The following ACACB variants were observed in gnomAD, a reference collection of about 807,000 sequenced individuals.
The protein encoded by ACACB is acetyl-CoA carboxylase 2.
ACACB carries 209 observed loss-of-function variants against 278.8 expected under a neutral mutation model. That is an observed-to-expected ratio of 0.75 (90% confidence interval 0.67 to 0.84). The LOEUF is 0.84. Among genes scored for constraint, ACACB ranks in the 40% least tolerant of loss-of-function variants. The pLI, the probability that ACACB is intolerant of heterozygous loss-of-function variation, is 0.00. For synonymous variants in ACACB, 1,174 were observed against 1,285.6 expected (o/e 0.91, Z 1.86); for missense variants, 2,850 against 3,269.0 (o/e 0.87, Z 3.13).
rs56119447 is a variant in ACACB, at chr12:109,180,158, G to C, written c.1818+71G>C. ...AGGGGTCCATGTGCTGCTCCCATTAGTCCATCCCGCCCATCTCTTGGCCGA... is the reference window on the plus strand; with the variant it reads ...AGGGGTCCATGTGCTGCTCCCATTACTCCATCCCGCCCATCTCTTGGCCGA... On this transcript the variant is annotated intron_variant, in intron 11 of 52. Coordinates refer to ENST00000338432, the MANE Select transcript of ACACB (RefSeq NM_001093.4). 2.1e-3 allele frequency: 3,157 copies of C among 1,508,590 alleles called. 68 individuals are homozygous for C. In the African/African-American group the frequency reaches 0.039, roughly 19 times the overall value. 93.5% of individuals were successfully genotyped at this position (1,508,590 alleles called of 1,614,324 possible).
intron 1 of ACACB, among the ~76,000 whole-genome samples, chr12:109,131,763 C>T (rs1387419223): frequency 2.0e-5 from 3 of 152,086 alleles, no homozygotes; most frequent in Non-Finnish European, 1.5e-5. Context: ...ATCTGGTTTT[C>T]GGGTCCGCTG....
intron 27 of ACACB, 100 bp downstream of exon 27, chr12:109,224,004 G>C (rs1304175139): frequency 1.0e-6 from 1 of 989,364 alleles, no homozygotes. Flanking sequence ...CTTGGTGAAT[G>C]TGATCCTATC....
chr12:109,137,156 C>T (rs2042984300), intron 1 of ACACB, among the ~76,000 whole-genome samples: 1 of 151,848 alleles, frequency 6.6e-6, no homozygotes, highest in Non-Finnish European at 1.5e-5. Context: ...TTGAGCCACC[C>T]TTGACTGACT....
chr12:109,209,081 T>G, intron 20 of ACACB, 84 bp from the exon 21 acceptor site: 516 of 1,434,762 alleles, frequency 3.6e-4, no homozygotes, highest in Non-Finnish European at 4.4e-4. Context: ...CAGGATGGGT[T>G]GAGCTGTGTT....
In ACACB at chr12:109,140,320, TTCCTTCCTTCCTTCCTTCCTTCCTTCC is replaced by T. The variant is rs1565857701; in HGVS notation, c.653+264_653+290del. 2.1e-3 allele frequency among the ~76,000 whole-genome samples: 302 copies of T among 143,338 alleles called. 8 individuals are homozygous for T. Among genetic ancestry groups the T allele is most frequent in the Admixed American group, 4.0e-3 (56 of 14,062 alleles). 94.0% of individuals were successfully genotyped at this position (143,338 alleles called of 152,430 possible). ...CTTCCTTCCTTCCTTCCTTCCTTCC[TTCCTTCCTTCCTTCCTTCCTTCCTTCC>T]TTCCCTCCTTTCAAAATCATTCCTT... On this transcript the variant is annotated intron_variant, in intron 2 of 52. Transcript: ENST00000338432.
At chr12:109,116,975 A>C (rs1314039348) in intron 1 of ACACB, among the ~76,000 whole-genome samples, 1 of 151,522 alleles carries the variant, frequency 6.6e-6, no homozygotes, top group Non-Finnish European at 1.5e-5. Context: ...TTTATAAACA[A>C]TTCTGTTTTT....
chr12:109,190,439 T>C (rs1241212551), intron 13 of ACACB, among the ~76,000 whole-genome samples: 1 of 152,076 alleles, frequency 6.6e-6, no homozygotes. Flanking sequence ...GTCTGTGTGT[T>C]GGGGAGAGGC....
chr12:109,119,735 A>C (rs1294010109), intron 1 of ACACB, among the ~76,000 whole-genome samples: 1 of 152,124 alleles, frequency 6.6e-6, no homozygotes, highest in East Asian at 1.9e-4. Flanking sequence ...TGTCTCTACT[A>C]AAAATACAAA....
At chr12:109,211,462 A>G (rs750845324) in intron 21 of ACACB, among the ~76,000 whole-genome samples, 6 of 149,624 alleles carry the variant, frequency 4.0e-5, no homozygotes, top group Non-Finnish European at 8.9e-5. Flanking sequence ...CATGTTGGCC[A>G]GGCTGGTCTT....
At chr12:109,151,231 C>T (rs1050451219) in intron 2 of ACACB, among the ~76,000 whole-genome samples, 1 of 152,110 alleles carries the variant, frequency 6.6e-6, no homozygotes, top group Non-Finnish European at 1.5e-5. Flanking sequence ...GATCTGCCCT[C>T]CTTGGCCTCC....
chr12:109,162,917 A>C (rs766288093), intron 2 of ACACB, among the ~76,000 whole-genome samples: 1 of 152,044 alleles, frequency 6.6e-6, no homozygotes, highest in Non-Finnish European at 1.5e-5. Flanking sequence ...ATTTGGGTTC[A>C]GTTTCTTTTT....
At chr12:109,175,849 G>C (rs2044265928) in intron 7 of ACACB, 82 bp from the exon 8 acceptor site, 2 of 1,202,850 alleles carry the variant, frequency 1.7e-6, no homozygotes, top group Non-Finnish European at 2.5e-6. Flanking sequence ...CACTATGTCA[G>C]CAGGGAGAGG....
intron 22 of ACACB, among the ~76,000 whole-genome samples, chr12:109,215,559 C>G (rs1350900127): frequency 6.6e-6 from 1 of 152,024 alleles, no homozygotes; most frequent in East Asian, 1.9e-4. Flanking sequence ...GTCAGGAGAT[C>G]GAGACCATCC....
intron 4 of ACACB, among the ~76,000 whole-genome samples, chr12:109,171,418 C>T (rs530522693): frequency 2.0e-5 from 3 of 151,832 alleles, no homozygotes; most frequent in South Asian, 2.1e-4. Flanking sequence ...GGTGTGATCT[C>T]AGCTCACTGC....
Position 109,264,368 on chromosome 12 carries a change from G to A in ACACB, c.6924G>A (p.Leu2308=), listed in dbSNP as rs761974897. 5.0e-6 allele frequency: 8 copies of A among 1,614,074 alleles called. No homozygotes were observed. In the South Asian group the frequency reaches 8.8e-5, roughly 18 times the overall value. ...TCCATGACACACCCGGCCGGATGCT[G>A]GAGAAGGGCGTCATATCTGTGAGAG... is the stretch of plus-strand genomic sequence containing the variant. ...ADFHDTPGRM[L]EKGVISDILE... The change falls in exon 50 of 53, where the codon CTG becomes CTA. Residue 2308 remains leucine, a synonymous_variant. Coordinates refer to ENST00000338432, the MANE Select transcript of ACACB (RefSeq NM_001093.4).
intron 28 of ACACB, among the ~76,000 whole-genome samples, chr12:109,230,344 G>C (rs976503658): frequency 1.3e-5 from 2 of 152,150 alleles, no homozygotes; most frequent in Non-Finnish European, 2.9e-5. Context: ...GCAGCCTGGG[G>C]TCATTCTGGG....
intron 36 of ACACB, chr12:109,242,198 T>A (rs2160602): frequency 0.61 from 275,855 of 454,956 alleles, 85,278 homozygotes; most frequent in Admixed American, 0.69. Flanking sequence ...TGGGAGTGTG[T>A]GATGCCTTGA....
Position 109,209,216 on chromosome 12 carries a change from C to T in ACACB, c.3112C>T (p.Pro1038Ser). The change falls in exon 21 of 53, where the codon CCG becomes TCG. Residue 1038 changes from proline (P) to serine (S), a missense_variant. Physicochemically the swap from Pro to Ser is moderately conservative, Grantham distance 74 (BLOSUM62 -1). Coordinates refer to ENST00000338432, the MANE Select transcript of ACACB (RefSeq NM_001093.4). ...GATGACCCTCCGGCACCCGTCACTGCCGCTGCTGGAGCTGCAGGAGATCAT... is the reference window on the plus strand; with the variant it reads ...GATGACCCTCCGGCACCCGTCACTGTCGCTGCTGGAGCTGCAGGAGATCAT... ...LMMTLRHPSL[P>S]LLELQEIMTS... 1.2e-6 allele frequency: 2 copies of T among 1,609,868 alleles called. No individual in the cohort carries two copies. Among genetic ancestry groups the T allele is most frequent in the Non-Finnish European group, 1.7e-6 (2 of 1,178,862 alleles).
At position 109,266,827 on chromosome 12, in the gene ACACB, A is replaced by G. The variant is rs1038612614; in HGVS notation, c.*465A>G. On this transcript the variant is annotated 3_prime_UTR_variant, in exon 53 of 53. Transcript: ENST00000338432. ...AAGGGAAAAAAATATATATATATAG[A>G]CAGGACTAGAGAAAACCTATTTTTG... 6.6e-6 allele frequency: 1 copy of G among 152,174 alleles called. No homozygotes were observed. The highest frequency in any genetic ancestry group is 2.4e-5 in the African/African-American group (1 of 41,398). 9.4% of individuals were successfully genotyped at this position (152,174 alleles called of 1,614,324 possible). A position where few individuals can be genotyped will look rare whatever the true frequency, so the allele number is the denominator to read the frequency against.
Sources: allele counts gnomAD v4.1 joint callset (sites outside exome capture counted in the v4.1 genomes callset), GRCh38; gene constraint gnomAD v4.1.1; transcripts MANE v1.5; gene names NCBI Gene and HGNC (gene_info 2026-07-23, HGNC 2026-07-21).